Variants in CSMD1 observed in about 807,000 individuals in gnomAD.
CSMD1 encodes the protein CUB and sushi domain-containing protein 1.
CSMD1 carries 213 observed loss-of-function variants against 417.5 expected under a neutral mutation model. That is an observed-to-expected ratio of 0.51 (90% confidence interval 0.46 to 0.57). The LOEUF (loss-of-function observed/expected upper bound fraction) is 0.57, where lower values mean the gene tolerates loss of function less well. Among genes scored for constraint, CSMD1 ranks in the 20% least tolerant of loss-of-function variants. The pLI, the probability that CSMD1 is intolerant of heterozygous loss-of-function variation, is 0.00. For synonymous variants in CSMD1, 2,862 were observed against 1,736.8 expected (o/e 1.65, Z -16.11); for missense variants, 6,923 against 4,529.7 (o/e 1.53, Z -15.17).
chr8:4,192,619 A>T (rs1230201570), intron 3 of CSMD1, among the ~76,000 whole-genome samples: 78 of 152,344 alleles, frequency 5.1e-4, no homozygotes, highest in Non-Finnish European at 2.9e-5. Flanking sequence ...AGGTTGGGCC[A>T]CAGCAGAGGG....
chr8:3,902,684 G>A (rs1807834825), intron 5 of CSMD1, among the ~76,000 whole-genome samples: 1 of 152,048 alleles, frequency 6.6e-6, no homozygotes, highest in Admixed American at 6.6e-5. Context: ...GGGCATCCTG[G>A]TTCTTAACAG....
At chr8:4,589,557 G>T (rs893374828) in intron 2 of CSMD1, among the ~76,000 whole-genome samples, 1 of 152,188 alleles carries the variant, frequency 6.6e-6, no homozygotes, top group Non-Finnish European at 1.5e-5. Flanking sequence ...ATATGTTAAT[G>T]TCGACTCTAT....
At chr8:3,792,309 A>T (rs544812331) in intron 5 of CSMD1, among the ~76,000 whole-genome samples, 2 of 152,086 alleles carry the variant, frequency 1.3e-5, no homozygotes, top group South Asian at 4.1e-4. Flanking sequence ...AAGAAGAAAA[A>T]AACTTCCTGG....
At chr8:4,506,174 G>A (rs1177313628) in intron 2 of CSMD1, among the ~76,000 whole-genome samples, 2 of 152,044 alleles carry the variant, frequency 1.3e-5, no homozygotes, top group Non-Finnish European at 2.9e-5. Context: ...TGCGGTTTTT[G>A]CTATTGAAAA....
At chr8:3,006,498 T>C (rs1304176927) in intron 52 of CSMD1, among the ~76,000 whole-genome samples, 8 of 151,952 alleles carry the variant, frequency 5.3e-5, no homozygotes, top group South Asian at 2.1e-4. Context: ...AAGCTGGAGG[T>C]ATCACACTAC....
At chr8:3,954,428 G>A (rs1241738196) in intron 5 of CSMD1, among the ~76,000 whole-genome samples, 1 of 152,078 alleles carries the variant, frequency 6.6e-6, no homozygotes, top group South Asian at 2.1e-4. Context: ...AGTGGCGGTG[G>A]TGATCTCAGC....
intron 4 of CSMD1, among the ~76,000 whole-genome samples, chr8:4,024,503 G>C (rs1796960000): frequency 6.6e-6 from 1 of 152,144 alleles, no homozygotes; most frequent in Non-Finnish European, 1.5e-5. Flanking sequence ...TAGCTGACTT[G>C]TTACAATGTC....
chr8:4,177,999 T>G lies in CSMD1; in HGVS notation c.416-145900A>C, dbSNP rs188647996. On this transcript the variant is annotated intron_variant, in intron 3 of 69. Transcript: ENST00000635120. ...GACTCACAGCCAAATTCTACCAGAG[T>G]TACAAGGAGGAACTAGTACCATTCC... Among the ~76,000 whole-genome samples the G allele has an allele frequency of 6.3e-3, 965 of 152,062 alleles. 6 individuals carry two copies. The highest frequency in any genetic ancestry group is 9.5e-3 in the Non-Finnish European group (649 of 67,978).
intron 49 of CSMD1, among the ~76,000 whole-genome samples, chr8:3,078,817 G>T (rs923224058): frequency 2.0e-5 from 3 of 152,056 alleles, no homozygotes; most frequent in Admixed American, 1.3e-4. Context: ...ACAACATTCT[G>T]CTTGACAGCC....
intron 7 of CSMD1, among the ~76,000 whole-genome samples, chr8:3,619,250 C>T (rs559307109): frequency 6.6e-6 from 1 of 152,144 alleles, no homozygotes; most frequent in Non-Finnish European, 1.5e-5. Flanking sequence ...ATGTACCCCC[C>T]AAAAACGTGA....
chr8:3,396,118 T>G, intron 17 of CSMD1, 76 bp downstream of exon 17: 2 of 1,293,966 alleles, frequency 1.5e-6, no homozygotes, highest in Non-Finnish European at 2.2e-6. Flanking sequence ...ATCTGCAGGC[T>G]GGAAATAAGA....
chr8:4,057,727 G>A (rs1385780859), intron 3 of CSMD1, among the ~76,000 whole-genome samples: 1 of 151,888 alleles, frequency 6.6e-6, no homozygotes, highest in African/African-American at 2.4e-5. Flanking sequence ...GTAAGGAAGG[G>A]ATCCAGTTTC....
intron 7 of CSMD1, among the ~76,000 whole-genome samples, chr8:3,656,429 C>T (rs1798111028): frequency 6.6e-6 from 1 of 152,102 alleles, no homozygotes; most frequent in Non-Finnish European, 1.5e-5. Flanking sequence ...CACAGCATTT[C>T]TTATCTTTGT....
At chr8:4,027,661 T>G (rs1033168429) in intron 4 of CSMD1, among the ~76,000 whole-genome samples, 2 of 152,154 alleles carry the variant, frequency 1.3e-5, no homozygotes, top group East Asian at 1.9e-4. Flanking sequence ...TATTTCTTCA[T>G]AGTAGCATGA....
At chr8:4,125,223 C>A (rs144727298) in intron 3 of CSMD1, among the ~76,000 whole-genome samples, 3,628 of 152,264 alleles carry the variant, frequency 0.024, 157 homozygotes, top group African/African-American at 0.082. Flanking sequence ...GAGCTGGGAA[C>A]TGCTTAGGGC....
chr8:4,280,112 T>C (rs908359888), intron 3 of CSMD1, among the ~76,000 whole-genome samples: 1 of 152,234 alleles, frequency 6.6e-6, no homozygotes, highest in Non-Finnish European at 1.5e-5. Flanking sequence ...GCTCTCTTCA[T>C]TACACCGTAC....
chr8:3,170,163 G>C (rs954627614), intron 37 of CSMD1, among the ~76,000 whole-genome samples: 45 of 152,168 alleles, frequency 3.0e-4, no homozygotes, highest in Non-Finnish European at 5.7e-4. Context: ...AATCCTGTTT[G>C]AGTGCTCATT....
chr8:4,587,174 T>A (rs1453955144), intron 2 of CSMD1, among the ~76,000 whole-genome samples: 2 of 152,152 alleles, frequency 1.3e-5, no homozygotes, highest in Non-Finnish European at 2.9e-5. Flanking sequence ...CAACCAGCTT[T>A]TATGGCTTAC....
chr8:3,683,903 C>G (rs544189551), intron 7 of CSMD1, among the ~76,000 whole-genome samples: 3 of 151,776 alleles, frequency 2.0e-5, no homozygotes, highest in African/African-American at 7.2e-5. Flanking sequence ...TTATTGATTT[C>G]AAAAAATGAC....
Sources: gnomAD v4.1 joint callset for allele counts (sites outside exome capture counted in the v4.1 genomes callset) on GRCh38, gnomAD v4.1.1 for gene constraint, MANE v1.5 for transcripts, NCBI Gene and HGNC (gene_info 2026-07-23, HGNC 2026-07-21) for gene names.